HS2ST1: variants seen among roughly 807,000 people sequenced by gnomAD.
HS2ST1 encodes the protein heparan sulfate 2-O-sulfotransferase 1, also known as 2-O-sulfotransferase.
A neutral mutation model predicts 42.9 loss-of-function variants in HS2ST1; 18 were observed. The ratio of observed to expected loss-of-function variants is 0.42; its 90% CI spans 0.29 to 0.62. The LOEUF is 0.62. HS2ST1 is among the 20% of genes least tolerant of loss of function. The pLI, the probability that HS2ST1 is intolerant of heterozygous loss-of-function variation, is 0.21. For synonymous variants in HS2ST1, 146 were observed against 152.9 expected, an observed-to-expected ratio of 0.95 and a Z score of 0.33; for missense variants, 334 against 433.8, an observed-to-expected ratio of 0.77 and a Z score of 2.04.
chr1:86,983,653 A>G (rs987637096), intron 1 of HS2ST1, among the ~76,000 whole-genome samples: 1 of 152,144 alleles, frequency 6.6e-6, no homozygotes, highest in African/African-American at 2.4e-5. Context: ...GAAAGAGTAC[A>G]TCTTAGCACA....
chr1:86,997,279 G>A (rs1649131617), intron 1 of HS2ST1, among the ~76,000 whole-genome samples: 1 of 152,096 alleles, frequency 6.6e-6, no homozygotes, highest in Admixed American at 6.6e-5. Flanking sequence ...CTTCAAGTAT[G>A]GTAGTTTAAT....
chr1:86,919,532 C>T (rs753717882), intron 1 of HS2ST1, among the ~76,000 whole-genome samples: 3 of 151,996 alleles, frequency 2.0e-5, no homozygotes, highest in Non-Finnish European at 4.4e-5. Context: ...GTTAACATTC[C>T]TTCTTTTAAT....
At chr1:87,066,553 T>A (rs7536637) in intron 1 of HS2ST1, among the ~76,000 whole-genome samples, 3,986 of 152,250 alleles carry the variant, frequency 0.026, 86 homozygotes, top group African/African-American at 0.057. Context: ...ACAACTTTTT[T>A]AAAAAATTTT....
intron 1 of HS2ST1, among the ~76,000 whole-genome samples, chr1:87,066,015 T>C (rs2100627970): frequency 6.6e-6 from 1 of 152,336 alleles, no homozygotes; most frequent in South Asian, 2.1e-4. Context: ...TATAGAACTA[T>C]TGCACGTTTT....
At chr1:86,998,081 A>G (rs1317064) in intron 1 of HS2ST1, among the ~76,000 whole-genome samples, 112,286 of 152,062 alleles carry the variant, frequency 0.74, 42,790 homozygotes, top group East Asian at 0.97. Flanking sequence ...TACAGAAGGT[A>G]AGACCTACTT....
chr1:87,044,350 T>C (rs544437145), intron 1 of HS2ST1, among the ~76,000 whole-genome samples: 44 of 152,234 alleles, frequency 2.9e-4, no homozygotes, highest in South Asian at 1.2e-3. Flanking sequence ...ATAAATAACC[T>C]GAAACTATAA....
chr1:86,961,506 G>A (rs1647843070), intron 1 of HS2ST1, among the ~76,000 whole-genome samples: 2 of 152,034 alleles, frequency 1.3e-5, no homozygotes, highest in African/African-American at 4.8e-5. Context: ...TGGTGGAAGA[G>A]TTTTATTTCC....
chr1:87,044,963 C>T (rs1650610646), intron 1 of HS2ST1: 10 of 1,593,968 alleles, frequency 6.3e-6, no homozygotes, highest in Non-Finnish European at 8.6e-6. Context: ...CCAGCTCTTC[C>T]TTCTGTTCTA....
chr1:87,018,235 C>T (rs1649821547), intron 1 of HS2ST1, among the ~76,000 whole-genome samples: 1 of 151,898 alleles, frequency 6.6e-6, no homozygotes, highest in African/African-American at 2.4e-5. Context: ...GAGATGAATC[C>T]TTTAAATATT....
At chr1:87,058,634 T>C (rs919039243) in intron 1 of HS2ST1, among the ~76,000 whole-genome samples, 2 of 151,756 alleles carry the variant, frequency 1.3e-5, no homozygotes, top group East Asian at 3.9e-4. Flanking sequence ...GTTAGGAGTA[T>C]AAGCTTTGGT....
At chr1:87,037,691 T>C (rs1650416857) in intron 1 of HS2ST1, among the ~76,000 whole-genome samples, 1 of 151,920 alleles carries the variant, frequency 6.6e-6, no homozygotes, top group African/African-American at 2.4e-5. Context: ...CTAGTACTTT[T>C]TTGGTATTTT....
At position 86,980,858 on chromosome 1, in the gene HS2ST1, A is replaced by G. The variant is rs868653082; in HGVS notation, c.124+65698A>G. 7.9e-5 allele frequency among the ~76,000 whole-genome samples: 12 copies of G among 152,376 alleles called. No individual in the cohort carries two copies. The Middle Eastern group carries it at 0.01, about 130-fold the overall frequency. On this transcript the variant is annotated intron_variant, in intron 1 of 6. Transcript: ENST00000370550. ...AAATTGTCATTTTTATAAGAAAGAA[A>G]TAGTGGAAAATTCACTATAGTTCTT... is the stretch of plus-strand genomic sequence containing the variant.
At chr1:87,098,451 TGA>T (rs1652122180) in intron 5 of HS2ST1, 2 of 585,864 alleles carry the variant, frequency 3.4e-6, no homozygotes, top group Non-Finnish European at 4.3e-6. Context: ...CAGAATGTGT[TGA>T]GTTTTCAGTT....
rs1649798126 is a variant in HS2ST1 at position 87,017,598 on chromosome 1, T to C, written c.125-55336T>C. ...AGAAGACAGCGGGCACAGTCATTCG[T>C]CTTTTGTTTCAACAAGAGTAAACTT... On this transcript the variant is annotated intron_variant, in intron 1 of 6. Coordinates refer to ENST00000370550, the MANE Select transcript of HS2ST1 (RefSeq NM_012262.4). Among the ~76,000 whole-genome samples the C allele has an allele frequency of 3.3e-5, 5 of 152,344 alleles. No individual in the cohort carries two copies. The South Asian group carries it at 1.0e-3, about 32-fold the overall frequency.
At chr1:87,021,697 A>G (rs998675950) in intron 1 of HS2ST1, among the ~76,000 whole-genome samples, 6 of 152,114 alleles carry the variant, frequency 3.9e-5, no homozygotes, top group Non-Finnish European at 7.4e-5. Flanking sequence ...TTAATTTTTT[A>G]TGGAGACACA....
chr1:86,981,506 G>A (rs899576946), intron 1 of HS2ST1, among the ~76,000 whole-genome samples: 1 of 152,192 alleles, frequency 6.6e-6, no homozygotes, highest in Non-Finnish European at 1.5e-5. Flanking sequence ...TACAGTGGGG[G>A]TACAGGCATT....
chr1:87,081,218 G>A (rs752760297), intron 2 of HS2ST1, among the ~76,000 whole-genome samples: 7 of 152,072 alleles, frequency 4.6e-5, no homozygotes, highest in Non-Finnish European at 5.9e-5. Context: ...GGACCTAATA[G>A]ATATTTACAG....
intron 1 of HS2ST1, among the ~76,000 whole-genome samples, chr1:87,069,575 T>A (rs1473917172): frequency 6.6e-6 from 1 of 152,240 alleles, no homozygotes; most frequent in African/African-American, 2.4e-5. Context: ...TCAACTGAGA[T>A]GTGATTTAAT....
At chr1:87,096,081 T>C (rs116497296) in intron 4 of HS2ST1, among the ~76,000 whole-genome samples, 3,711 of 152,138 alleles carry the variant, frequency 0.024, 70 homozygotes, top group Middle Eastern at 0.048. Flanking sequence ...AAATGTTCTT[T>C]TGGTTGAATT....
Sources: allele counts gnomAD v4.1 joint callset (sites outside exome capture counted in the v4.1 genomes callset), GRCh38; gene constraint gnomAD v4.1.1; transcripts MANE v1.5; gene names NCBI Gene and HGNC (gene_info 2026-07-23, HGNC 2026-07-21).